SNX24: variants seen among roughly 807,000 people sequenced by gnomAD.
SNX24 encodes sorting nexin-24.
Under a neutral mutation model 28.7 loss-of-function variants are expected in SNX24, and 22 were observed. The observed-to-expected ratio is 0.77, with a 90% CI of 0.55 to 1.10. The LOEUF is 1.10. Ranked by LOEUF, SNX24 falls within the 50% of genes least tolerant of loss-of-function variation. The pLI is 0.00. For missense variants in SNX24, 221 were observed against 201.1 expected (o/e 1.10, Z -0.60); for synonymous variants, 69 against 71.5 (o/e 0.96, Z 0.18).
chr5:123,001,850 C>A, intron 5 of SNX24, 90 bp from the exon 6 acceptor site: 1 of 1,049,952 alleles, frequency 9.5e-7, no homozygotes, highest in Non-Finnish European at 1.5e-6. Flanking sequence ...CGTCCCCGCA[C>A]AGCAGTTTGA....
In SNX24 at chr5:122,999,946, T is replaced by G. The variant is rs779473904; in HGVS notation, c.284T>G (p.Leu95Arg). 6.2e-7 allele frequency: 1 copy of G among 1,613,300 alleles called. No individual in the cohort carries two copies. Among genetic ancestry groups the G allele is most frequent in the Non-Finnish European group, 8.5e-7 (1 of 1,179,326 alleles). ...VILENEELPK[L>R]FLDFLNVRHL... The stretch of plus-strand genomic sequence containing the variant: ...TTAGAAAATGAAGAACTTCCCAAAC[T>G]GTTTCTTGATTTCCTAAATGTGCGA... The change falls in exon 4 of 7, where the codon CTG (leucine) becomes CGG (arginine). Residue 95 changes from leucine to arginine, a missense_variant. Physicochemically the swap from Leu to Arg is moderately radical, Grantham distance 102. Coordinates refer to ENST00000261369, the MANE Select transcript of SNX24 (RefSeq NM_014035.4).
intron 1 of SNX24, among the ~76,000 whole-genome samples, chr5:122,873,692 G>T (rs1257155788): frequency 6.6e-6 from 1 of 151,830 alleles, no homozygotes; most frequent in Non-Finnish European, 1.5e-5. Context: ...AGCCCTGGAG[G>T]TGCCATCACT....
At chr5:122,909,552 A>ATG (rs1757790429) in intron 1 of SNX24, among the ~76,000 whole-genome samples, 1 of 152,210 alleles carries the variant, frequency 6.6e-6, no homozygotes, top group Non-Finnish European at 1.5e-5. Flanking sequence ...GCACCCAAGC[A>ATG]TGTGTATACC....
intron 4 of SNX24, 54 bp from the exon 5 acceptor site, chr5:123,001,351 C>G: frequency 8.3e-7 from 1 of 1,204,264 alleles, no homozygotes; most frequent in Non-Finnish European, 1.2e-6. Context: ...TTGGCATAAA[C>G]ATTGACTCAA....
At chr5:122,994,165 T>G (rs1469323604) in intron 3 of SNX24, among the ~76,000 whole-genome samples, 1 of 152,158 alleles carries the variant, frequency 6.6e-6, no homozygotes, top group Non-Finnish European at 1.5e-5. Context: ...TTGTCCAAGT[T>G]TTCAACAAGA....
chr5:122,980,555 C>G (rs574828344), intron 3 of SNX24, among the ~76,000 whole-genome samples: 17 of 151,868 alleles, frequency 1.1e-4, no homozygotes, highest in Non-Finnish European at 2.2e-4. Flanking sequence ...TTGACCTTCT[C>G]TTCTTCTAGT....
intron 3 of SNX24, among the ~76,000 whole-genome samples, chr5:122,992,258 C>G (rs1344054460): frequency 6.6e-6 from 1 of 152,184 alleles, no homozygotes; most frequent in Non-Finnish European, 1.5e-5. Flanking sequence ...CTGATGAACA[C>G]TACTACATAT....
At chr5:122,858,808 T>A (rs1484335819) in intron 1 of SNX24, among the ~76,000 whole-genome samples, 2 of 152,252 alleles carry the variant, frequency 1.3e-5, no homozygotes, top group Non-Finnish European at 2.9e-5. Flanking sequence ...TTAAAAATCA[T>A]TTTCATTTCT....
chr5:122,947,391 G>A (rs1759733154), intron 3 of SNX24, among the ~76,000 whole-genome samples: 1 of 152,144 alleles, frequency 6.6e-6, no homozygotes, highest in African/African-American at 2.4e-5. Context: ...TCTCTCAGTA[G>A]AAAGATGCCA....
At chr5:122,885,287 C>T (rs999186511) in intron 1 of SNX24, among the ~76,000 whole-genome samples, 1 of 152,064 alleles carries the variant, frequency 6.6e-6, no homozygotes, top group Non-Finnish European at 1.5e-5. Context: ...TCTGTGTTCC[C>T]TCTAGAGCAG....
intron 1 of SNX24, among the ~76,000 whole-genome samples, chr5:122,930,154 GAGA>G (rs528878860): frequency 6.6e-6 from 1 of 152,196 alleles, no homozygotes; most frequent in Non-Finnish European, 1.5e-5. Flanking sequence ...AGCAGGCTGT[GAGA>G]AGATGCCTCC....
intron 2 of SNX24, among the ~76,000 whole-genome samples, chr5:122,942,896 C>T (rs537954277): frequency 6.6e-6 from 1 of 152,300 alleles, no homozygotes; most frequent in South Asian, 2.1e-4. Context: ...TTCCTCAGTA[C>T]TCCTGACATA....
chr5:122,992,586 TC>T (rs1761900608), intron 3 of SNX24, among the ~76,000 whole-genome samples: 2 of 152,194 alleles, frequency 1.3e-5, no homozygotes, highest in South Asian at 4.1e-4. Context: ...AAGGGTCACT[TC>T]CCCAGGGAAG....
At chr5:123,011,911 T>C (rs1235986880), downstream of SNX24, among the ~76,000 whole-genome samples, 1 of 152,222 alleles carries the variant, frequency 6.6e-6, no homozygotes, top group Non-Finnish European at 1.5e-5. Flanking sequence ...AAATCTCATC[T>C]TGAATTAATC....
At chr5:122,862,156 G>A (rs934184089) in intron 1 of SNX24, among the ~76,000 whole-genome samples, 1 of 152,234 alleles carries the variant, frequency 6.6e-6, no homozygotes, top group South Asian at 2.1e-4. Context: ...TGGTAAGGAG[G>A]GACACGTACT....
At chr5:122,917,221 C>A (rs1376385076) in intron 1 of SNX24, among the ~76,000 whole-genome samples, 1 of 149,220 alleles carries the variant, frequency 6.7e-6, no homozygotes, top group South Asian at 2.1e-4. Flanking sequence ...TGTGCCACTG[C>A]ACTCCAGCCT....
chr5:122,888,637 A>G (rs1229870789), intron 1 of SNX24, among the ~76,000 whole-genome samples: 1 of 152,136 alleles, frequency 6.6e-6, no homozygotes, highest in African/African-American at 2.4e-5. Context: ...TCCATCAGCT[A>G]CTTACTTTCT....
intron 3 of SNX24, among the ~76,000 whole-genome samples, chr5:122,997,355 G>C (rs1762085159): frequency 6.6e-6 from 1 of 152,206 alleles, no homozygotes; most frequent in South Asian, 2.1e-4. Context: ...ATTTAGCAAA[G>C]TAAATTCATG....
rs534812657 is a variant in SNX24 at position 122,913,208 on chromosome 5, G to A, written c.61-23526G>A. On this transcript the variant is annotated intron_variant, in intron 1 of 6. Transcript: ENST00000261369. ...CAAAACCGCCATTGTCATCATGGCC[G>A]GTTCTCAATGAGCTGTTGGGTACAC... Among the ~76,000 whole-genome samples, 109 of 150,408 alleles carry A rather than the reference G, an allele frequency of 7.2e-4. No homozygotes were observed. The East Asian group carries it at 0.01, about 14-fold the overall frequency.
Sources: allele counts gnomAD v4.1 joint callset (sites outside exome capture counted in the v4.1 genomes callset), GRCh38; gene constraint gnomAD v4.1.1; transcripts MANE v1.5; gene names NCBI Gene and HGNC (gene_info 2026-07-23, HGNC 2026-07-21).